The following PARD3 variants were observed in gnomAD, a reference collection of about 807,000 sequenced individuals.
The protein encoded by PARD3 is partitioning defective 3 homolog.
PARD3 carries 75 observed loss-of-function variants against 155.4 expected under a neutral mutation model. The ratio of observed to expected loss-of-function variants is 0.48; its 90% CI spans 0.40 to 0.58. The LOEUF (loss-of-function observed/expected upper bound fraction) is 0.58. Ranked by LOEUF, PARD3 falls within the 20% of genes least tolerant of loss-of-function variation. PARD3 has a pLI of 0.00. For synonymous variants in PARD3, 576 were observed against 610.5 expected, an observed-to-expected ratio of 0.94 and a Z score of 0.83; for missense variants, 1,642 against 1,721.7, an observed-to-expected ratio of 0.95 and a Z score of 0.82.
chr10:34,360,179 T>C lies in PARD3; in HGVS notation c.1788A>G (p.Ser596=). ...CACTGACACCAAGGCCTGCAGATCC[T>C]GAATCATTAAGTGGGACTTCAAATG... is the stretch of plus-strand genomic sequence containing the variant. ...FLTFEVPLND[S]GSAGLGVSVK... The change falls in exon 13 of 25, where the codon TCA becomes TCG. Residue 596 remains serine, a synonymous_variant. Transcript: ENST00000374788. The C allele has an allele frequency of 6.2e-7, 1 of 1,613,798 alleles. No individual in the cohort carries two copies. The highest frequency in any genetic ancestry group is 8.5e-7 in the Non-Finnish European group (1 of 1,179,644).
intron 1 of PARD3, among the ~76,000 whole-genome samples, chr10:34,764,704 G>A (rs1312589190): frequency 6.6e-6 from 1 of 152,064 alleles, no homozygotes; most frequent in African/African-American, 2.4e-5. Context: ...TGTGCTAAGA[G>A]GTAAATGGTG....
Position 34,197,322 on chromosome 10 carries a change from G to C in PARD3, c.3420-65739C>G, listed in dbSNP as rs141641712. 1.1e-3 allele frequency among the ~76,000 whole-genome samples: 165 copies of C among 152,194 alleles called. 1 individual carries two copies. Among genetic ancestry groups the C allele is most frequent in the Non-Finnish European group, 2.0e-3 (136 of 68,004 alleles). On this transcript the variant is annotated intron_variant, in intron 22 of 24. Transcript: ENST00000374788. ...CTACTCAATCTGAGGGAACTGATTG[G>C]ACCAGGCCTGGAATGAAACCTTCCC...
At chr10:34,627,692 G>A (rs1412915089) in intron 2 of PARD3, among the ~76,000 whole-genome samples, 7 of 152,168 alleles carry the variant, frequency 4.6e-5, no homozygotes, top group Admixed American at 4.6e-4. Context: ...GGGGAGGGGG[G>A]TGTGACCCTG....
intron 2 of PARD3, among the ~76,000 whole-genome samples, chr10:34,558,078 T>A (rs1460325986): frequency 6.6e-6 from 1 of 152,114 alleles, no homozygotes; most frequent in East Asian, 1.9e-4. Flanking sequence ...ATGTGCTAAG[T>A]ATGGCTCCCC....
At chr10:34,696,671 C>G (rs1245002348) in intron 1 of PARD3, among the ~76,000 whole-genome samples, 1 of 150,868 alleles carries the variant, frequency 6.6e-6, no homozygotes, top group Admixed American at 6.7e-5. Context: ...AGGAACTGCA[C>G]AAACCTGCAA....
At chr10:34,531,253 T>C (rs540056120) in intron 2 of PARD3, among the ~76,000 whole-genome samples, 7 of 152,128 alleles carry the variant, frequency 4.6e-5, no homozygotes, top group African/African-American at 1.4e-4. Flanking sequence ...ATTAAAACCG[T>C]GTTTAGGCAG....
rs371401357 is a variant in PARD3, at chr10:34,111,506, G to A, written c.3725C>T (p.Ser1242Phe). Residue 1242 changes from serine to phenylalanine, a missense_variant, in exon 25 of 25, where the codon TCC becomes TTC. Coordinates refer to ENST00000374788, the MANE Select transcript of PARD3 (RefSeq NM_001184785.2). ...GGCACTCTGGAAGCCTTCCCCAGGG[G>A]AGTAGTTCTGCTCCCAAGAGTCCTG... is the stretch of plus-strand genomic sequence containing the variant. Reference protein sequence around the residue: ...VSQDSWEQNYSPGEGFQSAKE... With the variant: ...VSQDSWEQNYFPGEGFQSAKE... 24 of 1,613,846 alleles carry A rather than the reference G, an allele frequency of 1.5e-5. No homozygotes were observed. The South Asian group carries it at 2.5e-4, about 17-fold the overall frequency.
chr10:34,736,463 G>T (rs1188046737), intron 1 of PARD3, among the ~76,000 whole-genome samples: 12 of 151,088 alleles, frequency 7.9e-5, no homozygotes, highest in Non-Finnish European at 1.2e-4. Context: ...TGAATAGCTG[G>T]GAACACAGAC....
chr10:34,121,882 T>C (rs1316140246), intron 23 of PARD3, among the ~76,000 whole-genome samples: 1 of 152,206 alleles, frequency 6.6e-6, no homozygotes, highest in African/African-American at 2.4e-5. Context: ...AAATAACACA[T>C]CAGTGAGGCC....
At chr10:34,211,144 G>A (rs1032724192) in intron 22 of PARD3, among the ~76,000 whole-genome samples, 11 of 152,160 alleles carry the variant, frequency 7.2e-5, no homozygotes, top group Non-Finnish European at 1.6e-4. Flanking sequence ...ATAAACATTC[G>A]CTCTCTTCCC....
At chr10:34,766,254 A>G (rs1838069367) in intron 1 of PARD3, among the ~76,000 whole-genome samples, 1 of 152,184 alleles carries the variant, frequency 6.6e-6, no homozygotes, top group Non-Finnish European at 1.5e-5. Context: ...GTAATCCTGT[A>G]TGGGGGACGT....
chr10:34,729,079 A>C (rs79596836), intron 1 of PARD3, among the ~76,000 whole-genome samples: 4,892 of 152,334 alleles, frequency 0.032, 122 homozygotes, highest in Non-Finnish European at 0.048. Flanking sequence ...CGAGGTGTGC[A>C]GTAGGCTCTG....
intron 2 of PARD3, among the ~76,000 whole-genome samples, chr10:34,695,427 G>C (rs1333564978): frequency 7.0e-6 from 1 of 142,988 alleles, no homozygotes; most frequent in Non-Finnish European, 1.5e-5. Context: ...GTGAGCAGCC[G>C]AGATCACGCC....
At chr10:34,195,440 G>C (rs760918191) in intron 22 of PARD3, among the ~76,000 whole-genome samples, 3 of 150,046 alleles carry the variant, frequency 2.0e-5, no homozygotes, top group Non-Finnish European at 4.4e-5. Flanking sequence ...ACACACACAC[G>C]TACTAAAACG....
chr10:34,789,483 A>C (rs369057611), intron 1 of PARD3, among the ~76,000 whole-genome samples: 18 of 152,120 alleles, frequency 1.2e-4, no homozygotes, highest in Admixed American at 4.6e-4. Flanking sequence ...GGATCGTCTG[A>C]GGCCAGGAGT....
chr10:34,727,978 T>C (rs879480865), intron 1 of PARD3, among the ~76,000 whole-genome samples: 2 of 151,982 alleles, frequency 1.3e-5, no homozygotes, highest in Non-Finnish European at 2.9e-5. Flanking sequence ...GCACCCGATA[T>C]CTGACAAGCA....
intron 2 of PARD3, among the ~76,000 whole-genome samples, chr10:34,654,675 T>C (rs903516702): frequency 3.9e-5 from 6 of 152,210 alleles, no homozygotes; most frequent in African/African-American, 1.4e-4. Context: ...AATCACAAGA[T>C]GCTCCAAGTT....
chr10:34,477,133 G>T (rs978033181), intron 3 of PARD3, among the ~76,000 whole-genome samples: 1 of 152,150 alleles, frequency 6.6e-6, no homozygotes, highest in Admixed American at 6.5e-5. Context: ...TTAATAATCT[G>T]ATGTAATTTG....
intron 5 of PARD3, among the ~76,000 whole-genome samples, chr10:34,434,975 A>T (rs1368082785): frequency 6.6e-6 from 1 of 152,198 alleles, no homozygotes; most frequent in East Asian, 1.9e-4. Flanking sequence ...AATTAATTTA[A>T]TTAATTAGGA....
Sources: allele counts gnomAD v4.1 joint callset (sites outside exome capture counted in the v4.1 genomes callset), GRCh38; gene constraint gnomAD v4.1.1; transcripts MANE v1.5; gene names NCBI Gene and HGNC (gene_info 2026-07-23, HGNC 2026-07-21).